TPO: variants seen among roughly 807,000 people sequenced by gnomAD.
The protein encoded by TPO is thyroid peroxidase.
In TPO, 78 loss-of-function variants were observed where a neutral mutation model predicts 96.9. That is an observed-to-expected ratio of 0.81 (90% confidence interval 0.67 to 0.97). The LOEUF (loss-of-function observed/expected upper bound fraction) is 0.97. Ranked by LOEUF, TPO falls within the 50% of genes least tolerant of loss-of-function variation. TPO has a pLI of 0.00. For missense variants in TPO, 1,252 were observed against 1,274.8 expected (o/e 0.98, Z 0.27); for synonymous variants, 547 against 538.0 (o/e 1.02, Z -0.23).
chr2:1,501,449 A>T (rs1672866043), intron 13 of TPO, among the ~76,000 whole-genome samples: 1 of 152,064 alleles, frequency 6.6e-6, no homozygotes, highest in African/African-American at 2.4e-5. Flanking sequence ...TGGGAAGGAG[A>T]CCTACACAGC....
At chr2:1,436,474 G>A (rs1665584697) in intron 5 of TPO, 90 bp downstream of exon 5, 23 of 1,585,984 alleles carry the variant, frequency 1.5e-5, no homozygotes, top group Non-Finnish European at 2.0e-5. Flanking sequence ...ACCACCACTG[G>A]TGGATCTGTA....
chr2:1,519,246 T>C (rs1395985876), intron 15 of TPO, among the ~76,000 whole-genome samples: 10 of 152,238 alleles, frequency 6.6e-5, no homozygotes, highest in East Asian at 3.8e-4. Flanking sequence ...TGAAGTGCTA[T>C]GATTGTGTCC....
intron 3 of TPO, among the ~76,000 whole-genome samples, chr2:1,433,180 T>C (rs903745019): frequency 1.4e-4 from 21 of 152,160 alleles, no homozygotes; most frequent in African/African-American, 5.1e-4. Context: ...GATTTGGCAG[T>C]TTTGTAAAGG....
At chr2:1,382,583 G>A (rs187458164) in intron 1 of TPO, among the ~76,000 whole-genome samples, 94 of 152,274 alleles carry the variant, frequency 6.2e-4, no homozygotes, top group African/African-American at 2.2e-3. Flanking sequence ...AACTGGTGAA[G>A]CTGAACAGCT....
At chr2:1,497,470 T>C (rs1391393328) in intron 13 of TPO, among the ~76,000 whole-genome samples, 1 of 152,158 alleles carries the variant, frequency 6.6e-6, no homozygotes, top group East Asian at 1.9e-4. Flanking sequence ...ATCTGACTGT[T>C]CTGAGGCAGA....
intron 15 of TPO, 31 bp from the exon 16 acceptor site, chr2:1,540,563 C>T (rs1299076863): frequency 6.2e-7 from 1 of 1,611,236 alleles, no homozygotes; most frequent in Admixed American, 1.7e-5. Context: ...GCCGGACCCT[C>T]TCCCGATAAC....
chr2:1,536,692 C>A (rs1679730659), intron 15 of TPO, among the ~76,000 whole-genome samples: 1 of 114,518 alleles, frequency 8.7e-6, no homozygotes, highest in Non-Finnish European at 1.8e-5. Flanking sequence ...TGTGCAACCT[C>A]CATAAATCCA....
rs188661447 is a variant in TPO at position 1,432,232 on chromosome 2, G to C, written c.180-1206G>C. On this transcript the variant is annotated intron_variant, in intron 3 of 16. Transcript: ENST00000329066. The stretch of plus-strand genomic sequence containing the variant: ...CAAGAAGGATGGTGAACTTGATGTA[G>C]TCCTCCCTTGGGTCCTGGGGACTCA... Among the ~76,000 whole-genome samples the C allele has an allele frequency of 2.0e-5, 3 of 152,374 alleles. No homozygotes were observed. In the East Asian group the frequency reaches 5.8e-4, roughly 29 times the overall value.
chr2:1,477,760 G>C (rs1280754339), intron 8 of TPO, 156 bp downstream of exon 8: 1 of 985,030 alleles, frequency 1.0e-6, no homozygotes, highest in Non-Finnish European at 1.2e-6. Flanking sequence ...GCCCTGTGTG[G>C]GTGCGCAGTC....
At chr2:1,452,325 C>T (rs1667382598) in intron 5 of TPO, among the ~76,000 whole-genome samples, 1 of 152,198 alleles carries the variant, frequency 6.6e-6, no homozygotes, top group Non-Finnish European at 1.5e-5. Context: ...GTTCCTTCAT[C>T]AGTTGGCTGA....
At position 1,422,963 on chromosome 2, in the gene TPO, T is replaced by C. The variant is rs1279211493; in HGVS notation, c.95-82T>C. On this transcript the variant is annotated intron_variant, in intron 2 of 16. Transcript: ENST00000329066. ...CCACGTGGGCATCACCGCAGCAAGA[T>C]GGGCTTGAGGAACAAAGCAACACTG... 5.3e-6 allele frequency: 8 copies of C among 1,495,984 alleles called. No individual in the cohort carries two copies. In the East Asian group the frequency reaches 1.4e-4, roughly 26 times the overall value. 92.7% of individuals were successfully genotyped at this position (1,495,984 alleles called of 1,614,324 possible).
intron 5 of TPO, among the ~76,000 whole-genome samples, chr2:1,436,948 C>T (rs1665634323): frequency 6.6e-6 from 1 of 152,242 alleles, no homozygotes; most frequent in Admixed American, 6.5e-5. Context: ...GTCCCCACTG[C>T]ACTCAGAGTG....
At position 1,390,166 on chromosome 2, in the gene TPO, C is replaced by G. The variant is rs1661978953; in HGVS notation, n.180+15764C>G. ...GTATTTCTCCTAATGCTATCCCCCC[C>G]CAGCTCCCCAGCCTCTGACAGGCCC... On this transcript the variant is annotated intron_variant and non_coding_transcript_variant, in intron 1 of 5. Coordinates refer to the TPO transcript ENST00000497517. Among the ~76,000 whole-genome samples the G allele has an allele frequency of 2.6e-5, 4 of 152,218 alleles. No homozygotes were observed. In the South Asian group the frequency reaches 8.3e-4, roughly 32 times the overall value.
intron 7 of TPO, among the ~76,000 whole-genome samples, chr2:1,460,291 G>C (rs192106046): frequency 6.6e-6 from 1 of 152,232 alleles, no homozygotes; most frequent in African/African-American, 2.4e-5. Context: ...TAACATTAGA[G>C]CTGTTAGATC....
chr2:1,405,949 C>T (rs1404930655), intron 1 of TPO, among the ~76,000 whole-genome samples: 1 of 152,220 alleles, frequency 6.6e-6, no homozygotes, highest in Non-Finnish European at 1.5e-5. Context: ...ACAATACAAT[C>T]CCAAATCAGC....
At chr2:1,524,548 G>T (rs1368454177) in intron 15 of TPO, among the ~76,000 whole-genome samples, 1 of 76,138 alleles carries the variant, frequency 1.3e-5, no homozygotes, top group Non-Finnish European at 2.4e-5. Flanking sequence ...GCAACCTCAG[G>T]TCCCCCACTG....
intron 7 of TPO, among the ~76,000 whole-genome samples, chr2:1,472,404 T>C (rs2148656978): frequency 6.6e-6 from 1 of 152,304 alleles, no homozygotes; most frequent in Non-Finnish European, 1.5e-5. Flanking sequence ...CTTTCCATGA[T>C]ATGAATGCTC....
intron 1 of TPO, among the ~76,000 whole-genome samples, chr2:1,398,440 A>G (rs1207950891): frequency 6.6e-6 from 1 of 152,196 alleles, no homozygotes; most frequent in African/African-American, 2.4e-5. Flanking sequence ...TCCCACTGCA[A>G]ACAAGGCTGG....
At chr2:1,402,417 A>G (rs1446130904) in intron 1 of TPO, among the ~76,000 whole-genome samples, 1 of 152,156 alleles carries the variant, frequency 6.6e-6, no homozygotes, top group Non-Finnish European at 1.5e-5. Flanking sequence ...CAGAGCAAGC[A>G]GGGAGCCAGC....
Sources: allele counts gnomAD v4.1 joint callset (sites outside exome capture counted in the v4.1 genomes callset), GRCh38; gene constraint gnomAD v4.1.1; transcripts MANE v1.5; gene names NCBI Gene and HGNC (gene_info 2026-07-23, HGNC 2026-07-21).